CCDC178: variants seen among roughly 807,000 people sequenced by gnomAD.
The protein encoded by CCDC178 is coiled-coil domain containing 178.
CCDC178 carries 126 observed loss-of-function variants against 117.4 expected under a neutral mutation model. The ratio of observed to expected loss-of-function variants is 1.07; its 90% confidence interval spans 0.93 to 1.24. CCDC178 has a LOEUF of 1.24. Among genes scored for constraint, CCDC178 ranks in the 50% most tolerant of loss-of-function variants. The pLI, the probability that CCDC178 is intolerant of heterozygous loss-of-function variation, is 0.00. For synonymous variants in CCDC178, 283 were observed against 313.4 expected (o/e 0.90, Z 1.02); for missense variants, 1,030 against 986.9 (o/e 1.04, Z -0.59).
chr18:33,411,031 T>C (rs967587201), intron 3 of CCDC178, among the ~76,000 whole-genome samples: 2 of 152,194 alleles, frequency 1.3e-5, no homozygotes, highest in African/African-American at 2.4e-5. Context: ...GTAATGGTAC[T>C]GAATTAACCT....
chr18:33,066,768 A>G (rs997938426), intron 21 of CCDC178, among the ~76,000 whole-genome samples: 3 of 152,222 alleles, frequency 2.0e-5, no homozygotes, highest in African/African-American at 2.4e-5. Context: ...AGGTCACTGT[A>G]TAATGCTAAA....
intron 6 of CCDC178, among the ~76,000 whole-genome samples, chr18:33,360,161 T>C (rs1159290886): frequency 6.6e-6 from 1 of 151,158 alleles, no homozygotes; most frequent in East Asian, 1.9e-4. Context: ...TGGAAAATAA[T>C]TTGATGGTTT....
intron 21 of CCDC178, among the ~76,000 whole-genome samples, chr18:33,002,405 A>G (rs1010794865): frequency 2.0e-5 from 3 of 151,792 alleles, no homozygotes; most frequent in African/African-American, 4.9e-5. Context: ...AAACAAACAT[A>G]TGGAATTAAA....
chr18:33,248,918 C>T (rs1169081569), intron 14 of CCDC178, among the ~76,000 whole-genome samples: 4 of 151,894 alleles, frequency 2.6e-5, no homozygotes, highest in African/African-American at 4.8e-5. Context: ...CCACATCCTC[C>T]CCAGCACCTG....
chr18:33,386,972 G>C (rs767019216), intron 5 of CCDC178, among the ~76,000 whole-genome samples: 1 of 152,054 alleles, frequency 6.6e-6, no homozygotes, highest in Non-Finnish European at 1.5e-5. Flanking sequence ...AAACCCCATC[G>C]ACTCAGCCCA....
chr18:32,944,574 T>C (rs1162959590), intron 22 of CCDC178, among the ~76,000 whole-genome samples: 2 of 152,248 alleles, frequency 1.3e-5, no homozygotes, highest in Admixed American at 6.5e-5. Context: ...TATGGTTTTT[T>C]TCCCCAATGT....
chr18:33,227,637 C>G (rs1283681240), intron 15 of CCDC178, among the ~76,000 whole-genome samples: 6 of 150,488 alleles, frequency 4.0e-5, no homozygotes, highest in Admixed American at 6.7e-5. Flanking sequence ...TCAGAAATGT[C>G]TCTGATACCC....
Position 33,352,481 on chromosome 18 carries a change from C to A in CCDC178, c.372-3506G>T, listed in dbSNP as rs184355813. Reference sequence around the variant, plus strand: ...TTGCTAACTTTGGGTTTAGCATACTCCTGCTTCCTTAAGGTATAAAGTTAG... The same window carrying A: ...TTGCTAACTTTGGGTTTAGCATACTACTGCTTCCTTAAGGTATAAAGTTAG... On this transcript the variant is annotated intron_variant, in intron 7 of 22. Coordinates refer to ENST00000383096, the MANE Select transcript of CCDC178 (RefSeq NM_001105528.4). 5.9e-5 allele frequency among the ~76,000 whole-genome samples: 9 copies of A among 152,188 alleles called. No homozygotes were observed. The East Asian group carries it at 1.5e-3, about 26-fold the overall frequency.
chr18:32,969,298 T>C (rs1027267492), intron 22 of CCDC178, among the ~76,000 whole-genome samples: 1 of 152,000 alleles, frequency 6.6e-6, no homozygotes, highest in Non-Finnish European at 1.5e-5. Flanking sequence ...AGCACATCCC[T>C]GAGGAGGTGC....
Position 33,333,266 on chromosome 18 carries a change from T to G in CCDC178, c.787A>C (p.Ile263Leu). 6.2e-7 allele frequency: 1 copy of G among 1,612,224 alleles called. No homozygotes were observed. The highest frequency in any genetic ancestry group is 8.5e-7 in the Non-Finnish European group (1 of 1,178,510). Residue 263 changes from isoleucine to leucine, a missense_variant, in exon 10 of 23, where the codon ATA becomes CTA. Physicochemically the swap from Ile to Leu is conservative, Grantham distance 5 (BLOSUM62 2). Coordinates refer to ENST00000383096, the MANE Select transcript of CCDC178 (RefSeq NM_001105528.4). ...EEANAKIQAD[I>L]DYMNEHGPLL... The stretch of plus-strand genomic sequence containing the variant: ...GGGCCATGTTCATTCATGTAGTCTA[T>G]GTCTGCTTGAATCTTTGCATTTGCT...
chr18:33,354,192 C>G (rs914262773), intron 7 of CCDC178, among the ~76,000 whole-genome samples: 7 of 152,162 alleles, frequency 4.6e-5, no homozygotes, highest in African/African-American at 1.7e-4. Context: ...AAAGTTGCTT[C>G]TCTTGTGCTG....
chr18:33,056,500 T>A (rs1322669641), intron 21 of CCDC178, among the ~76,000 whole-genome samples: 1 of 152,192 alleles, frequency 6.6e-6, no homozygotes, highest in African/African-American at 2.4e-5. Context: ...AAAATGATTT[T>A]TTATGGTTCC....
intron 11 of CCDC178, among the ~76,000 whole-genome samples, chr18:33,302,348 C>A (rs2062187502): frequency 6.6e-6 from 1 of 152,042 alleles, no homozygotes; most frequent in South Asian, 2.1e-4. Flanking sequence ...GCAAAAACTG[C>A]CTAACAAAGC....
intron 21 of CCDC178, among the ~76,000 whole-genome samples, chr18:32,983,813 A>AC (rs1258281587): frequency 1.3e-5 from 2 of 152,050 alleles, no homozygotes; most frequent in Non-Finnish European, 2.9e-5. Flanking sequence ...TTTTAATTCA[A>AC]CAGAGTGATG....
chr18:33,414,996 A>G (rs1426172489), intron 2 of CCDC178, among the ~76,000 whole-genome samples: 4 of 152,214 alleles, frequency 2.6e-5, no homozygotes, highest in East Asian at 1.9e-4. Flanking sequence ...CAAAACCACA[A>G]TGAGATACCA....
At chr18:33,400,101 T>C (rs986502610) in intron 3 of CCDC178, among the ~76,000 whole-genome samples, 1 of 150,926 alleles carries the variant, frequency 6.6e-6, no homozygotes, top group African/African-American at 2.4e-5. Context: ...AAGAAATTTT[T>C]TTTTTTTTTT....
At chr18:33,043,916 G>A (rs142354748) in intron 21 of CCDC178, among the ~76,000 whole-genome samples, 1 of 151,614 alleles carries the variant, frequency 6.6e-6, no homozygotes, top group African/African-American at 2.4e-5. Context: ...TATGGCACTA[G>A]ATACTATGCT....
In CCDC178 at chr18:33,224,789, TGTC is replaced by T. The variant is rs1475494820; in HGVS notation, c.1801_1803del (p.Asp601del). The T allele has an allele frequency of 1.3e-6, 2 of 1,534,380 alleles. No homozygotes were observed. Among genetic ancestry groups the T allele is most frequent in the Middle Eastern group, 1.7e-4 (1 of 5,778 alleles). On this transcript the variant is annotated inframe_deletion, in exon 17 of 23. Transcript: ENST00000383096. ...TAAATGCTTACAACAGAATGTTCTT[TGTC>T]GAGACTTCTGATTCTTTCAGCTTCA... is the stretch of plus-strand genomic sequence containing the variant.
At chr18:33,371,317 T>C (rs1163169916) in intron 5 of CCDC178, among the ~76,000 whole-genome samples, 1 of 151,930 alleles carries the variant, frequency 6.6e-6, no homozygotes, top group African/African-American at 2.4e-5. Flanking sequence ...AAATGACCTT[T>C]TTATGAGCAC....
Sources: allele counts gnomAD v4.1 joint callset (sites outside exome capture counted in the v4.1 genomes callset), GRCh38; gene constraint gnomAD v4.1.1; transcripts MANE v1.5; gene names NCBI Gene and HGNC (gene_info 2026-07-23, HGNC 2026-07-21).